CASZ1: variants seen among roughly 807,000 people sequenced by gnomAD.
The protein encoded by CASZ1 is zinc finger protein castor homolog 1.
Under a neutral mutation model 135.2 loss-of-function variants are expected in CASZ1, and 28 were observed. That is an observed-to-expected ratio of 0.21 (90% confidence interval 0.15 to 0.28). CASZ1 has a LOEUF of 0.28. CASZ1 is among the 10% of genes least tolerant of loss of function. The pLI is 1.00. For missense variants in CASZ1, 2,161 were observed against 2,453.3 expected (o/e 0.88, Z 2.52); for synonymous variants, 1,068 against 1,073.4 (o/e 0.99, Z 0.10).
Position 10,735,132 on chromosome 1 carries a change from C to T in CASZ1, c.-77+25569G>A, listed in dbSNP as rs1224910293. 2.0e-5 allele frequency among the ~76,000 whole-genome samples: 3 copies of T among 152,196 alleles called. No individual in the cohort carries two copies. Among genetic ancestry groups the T allele is most frequent in the African/African-American group, 7.2e-5 (3 of 41,448 alleles). ...GCAACCTAATTGCATCAGTACATTG[C>T]ACACAGGAGCCAAAGTAACTGAATT... On this transcript the variant is annotated intron_variant, in intron 2 of 20. Coordinates refer to ENST00000377022, the MANE Select transcript of CASZ1 (RefSeq NM_001079843.3). This position sits in a 1 kb window ranked among gnomAD's most constrained non-coding sequence, Gnocchi z 5.1.
At chr1:10,785,150 T>TTCCTCCCTCCCTTCCTCCCTCCCC (rs1640836694) in intron 1 of CASZ1, among the ~76,000 whole-genome samples, 1 of 149,062 alleles carries the variant, frequency 6.7e-6, no homozygotes, top group Non-Finnish European at 1.5e-5. Context: ...CCTCCCTCCC[T>TTCCTCCCTCCCTTCCTCCCTCCCC]TCTTTCCTTC....
chr1:10,758,957 C>A (rs980739192), intron 2 of CASZ1, among the ~76,000 whole-genome samples: 2 of 152,230 alleles, frequency 1.3e-5, no homozygotes, highest in Non-Finnish European at 2.9e-5. Context: ...GGTGTCCCAT[C>A]GGACCTGTGG....
Position 10,694,411 on chromosome 1 carries a change from A to G in CASZ1, c.-23-499T>C. 1 of 714,740 alleles carries G rather than the reference A, an allele frequency of 1.4e-6. No individual in the cohort carries two copies. Among genetic ancestry groups the G allele is most frequent in the Non-Finnish European group, 1.9e-6 (1 of 537,818 alleles). 44.3% of individuals were successfully genotyped at this position (714,740 alleles called of 1,614,324 possible). ...AATAACAAGTTGTTTTAAAGCCCTGATGTCATTGCTCCTGCCGGTAACACT... is the reference window on the plus strand; with the variant it reads ...AATAACAAGTTGTTTTAAAGCCCTGGTGTCATTGCTCCTGCCGGTAACACT... On this transcript the variant is annotated intron_variant, in intron 3 of 20. Transcript: ENST00000377022. The surrounding 1 kb of genome is among the most constrained non-coding windows in gnomAD (Gnocchi z 6.6).
At chr1:10,680,336 T>C (rs1638374504) in intron 4 of CASZ1, among the ~76,000 whole-genome samples, 4 of 151,872 alleles carry the variant, frequency 2.6e-5, no homozygotes, top group Admixed American at 2.0e-4. Flanking sequence ...AGGAAGGAGC[T>C]GAACTTGGAC....
chr1:10,671,327 C>T lies in CASZ1; in HGVS notation c.17-5756G>A, dbSNP rs143723014. Among the ~76,000 whole-genome samples the T allele has an allele frequency of 5.8e-3, 881 of 152,322 alleles. 12 individuals carry two copies. The highest frequency in any genetic ancestry group is 0.02 in the African/African-American group (827 of 41,574). On this transcript the variant is annotated intron_variant, in intron 4 of 20. Coordinates refer to ENST00000377022, the MANE Select transcript of CASZ1 (RefSeq NM_001079843.3). ...CACAGACCGCGTGCATGCCTGTGCG[C>T]GCGCACACACGCTCGGATGCCTGTG...
chr1:10,673,198 A>G (rs1643463345), intron 4 of CASZ1, among the ~76,000 whole-genome samples: 1 of 152,152 alleles, frequency 6.6e-6, no homozygotes, highest in Non-Finnish European at 1.5e-5. Context: ...TAAATAATTT[A>G]TGCAATTTTA....
At chr1:10,734,347 TACA>T (rs1031292196) in intron 2 of CASZ1, among the ~76,000 whole-genome samples, 1 of 146,470 alleles carries the variant, frequency 6.8e-6, no homozygotes, top group African/African-American at 2.5e-5. Flanking sequence ...GGAAACAAAA[TACA>T]ACGACATCTT....
In CASZ1 at chr1:10,646,009, A is replaced by T; in HGVS notation, c.3696+119T>A. On this transcript the variant is annotated intron_variant, in intron 17 of 20. Transcript: ENST00000377022. The surrounding 1 kb of genome is among the most constrained non-coding windows in gnomAD (Gnocchi z 6.4). ...TTTCCAGAGTCCGGGAGGCCCATTT[A>T]AATAAGCAAGGTGTGAGAAATGGAG... The T allele has an allele frequency of 1.0e-6, 1 of 996,514 alleles. No homozygotes were observed. The highest frequency in any genetic ancestry group is 1.5e-6 in the Non-Finnish European group (1 of 652,476). The allele number at this position is 996,514 out of a possible 1,614,324, so 61.7% of individuals were successfully genotyped here.
Position 10,694,208 on chromosome 1 carries a change from C to T in CASZ1, c.-23-296G>A. ...CCGGGGGATCCGCGAGGCCCAGGGG[C>T]GCCCCCGTCCCGCCGACCGCGCCCC... is the stretch of plus-strand genomic sequence containing the variant. On this transcript the variant is annotated intron_variant, in intron 3 of 20. Transcript: ENST00000377022. The surrounding 1 kb of genome is among the most constrained non-coding windows in gnomAD (Gnocchi z 6.6). 2.4e-6 allele frequency: 1 copy of T among 416,748 alleles called. No homozygotes were observed. Among genetic ancestry groups the T allele is most frequent in the East Asian group, 1.4e-4 (1 of 6,980 alleles). 25.8% of individuals were successfully genotyped at this position (416,748 alleles called of 1,614,324 possible).
intron 5 of CASZ1, 97 bp downstream of exon 5, chr1:10,664,986 G>T: frequency 7.5e-7 from 1 of 1,330,588 alleles, no homozygotes. Flanking sequence ...TTTAGAGCAG[G>T]AGTGAGGAGT....
intron 4 of CASZ1, among the ~76,000 whole-genome samples, chr1:10,673,982 G>T (rs751220781): frequency 1.3e-5 from 2 of 152,216 alleles, no homozygotes; most frequent in Non-Finnish European, 1.5e-5. Context: ...CCCTGCCACC[G>T]CAGTGCCTGG....
At chr1:10,692,472 A>G (rs59467891) in intron 4 of CASZ1, among the ~76,000 whole-genome samples, 14,847 of 151,028 alleles carry the variant, frequency 0.098, 1,812 homozygotes, top group African/African-American at 0.29. Context: ...AGGTGGGGGC[A>G]GGCAGGTTCT....
chr1:10,765,286 G>A (rs1271303607), intron 1 of CASZ1, among the ~76,000 whole-genome samples: 3 of 151,890 alleles, frequency 2.0e-5, no homozygotes, highest in Non-Finnish European at 4.4e-5. Flanking sequence ...TAAGCCCGGG[G>A]TGGGGAGAGG....
Position 10,654,194 on chromosome 1 carries a change from G to A in CASZ1, c.1863C>T (p.Phe621=), listed in dbSNP as rs760582358. The A allele has an allele frequency of 1.2e-6, 2 of 1,614,214 alleles. No individual in the cohort carries two copies. The highest frequency in any genetic ancestry group is 1.7e-6 in the Non-Finnish European group (2 of 1,180,028). Residue 621 remains phenylalanine (F), a synonymous_variant, in exon 11 of 21, where the codon TTC becomes TTT. Transcript: ENST00000377022. ...GCTTCTCGATGTCACACTTGTTCTT[G>A]AAAGTGAATGTGCAGCCGGGGCGCC... ...HCRRPGCTFT[F]KNKCDIEKHK...
chr1:10,703,537 C>T (rs1283090382), intron 3 of CASZ1, among the ~76,000 whole-genome samples: 2 of 152,112 alleles, frequency 1.3e-5, no homozygotes, highest in African/African-American at 2.4e-5. Context: ...GAGAAACTGG[C>T]GCTCAGAGGT....
chr1:10,752,491 G>T (rs1236025240), intron 2 of CASZ1, among the ~76,000 whole-genome samples: 8 of 152,184 alleles, frequency 5.3e-5, no homozygotes, highest in Admixed American at 5.2e-4. Context: ...CCCAAATACA[G>T]GTTGGGAGAC....
At chr1:10,795,357 CT>C (rs1641044787) in intron 1 of CASZ1, among the ~76,000 whole-genome samples, 1 of 152,234 alleles carries the variant, frequency 6.6e-6, no homozygotes, top group African/African-American at 2.4e-5. Flanking sequence ...TTTCTCTGTC[CT>C]TCACCAGGTG....
chr1:10,773,614 T>C (rs1056212908), intron 1 of CASZ1, among the ~76,000 whole-genome samples: 2 of 152,070 alleles, frequency 1.3e-5, no homozygotes, highest in African/African-American at 2.4e-5. Context: ...CTCGGCCTTC[T>C]AGCTTCTCAG....
chr1:10,689,620 G>A (rs960712832), intron 4 of CASZ1, among the ~76,000 whole-genome samples: 1 of 152,198 alleles, frequency 6.6e-6, no homozygotes, highest in Non-Finnish European at 1.5e-5. Context: ...GGCTATGCTA[G>A]GCCTTTTAGC....
Sources: gnomAD v4.1 joint callset for allele counts (sites outside exome capture counted in the v4.1 genomes callset) on GRCh38, gnomAD v4.1.1 for gene constraint, Gnocchi (gnomAD v3.1) non-coding constraint, MANE v1.5 for transcripts, NCBI Gene and HGNC (gene_info 2026-07-23, HGNC 2026-07-21) for gene names.